Variants in TET3 observed in about 807,000 individuals in gnomAD.
TET3 encodes the protein methylcytosine dioxygenase TET3.
A neutral mutation model predicts 141.4 loss-of-function variants in TET3; 19 were observed. The observed-to-expected ratio is 0.13, with a 90% confidence interval of 0.09 to 0.20. TET3 has a LOEUF of 0.20. Ranked by LOEUF, TET3 falls within the 10% of genes least tolerant of loss-of-function variation. The pLI is 1.00. For synonymous variants in TET3, 1,043 were observed against 980.9 expected (o/e 1.06, Z -1.18); for missense variants, 1,874 against 2,356.9 (o/e 0.80, Z 4.24).
chr2:74,082,425 A>G (rs535352057), intron 6 of TET3, among the ~76,000 whole-genome samples: 2 of 152,170 alleles, frequency 1.3e-5, no homozygotes, highest in Non-Finnish European at 2.9e-5. Context: ...CATGGGGCGC[A>G]GTGAACTGGA....
the TET3 span, among the ~76,000 whole-genome samples, chr2:74,129,226 G>C: frequency 2.8e-5 from 4 of 140,910 alleles, no homozygotes; most frequent in East Asian, 8.3e-4. Context: ...TGAGGCAGGA[G>C]AATCTCTTGA....
chr2:74,062,875 G>T (rs1367183352), intron 4 of TET3, among the ~76,000 whole-genome samples: 1 of 147,716 alleles, frequency 6.8e-6, no homozygotes. Context: ...TTAAGTTCAG[G>T]TGAAACTTTT....
chr2:74,050,731 T>C (rs1687900042), intron 4 of TET3, among the ~76,000 whole-genome samples: 1 of 151,992 alleles, frequency 6.6e-6, no homozygotes, highest in Non-Finnish European at 1.5e-5. Context: ...TAAAAATTTT[T>C]TGTGGAGACG....
the TET3 span, chr2:74,120,597 GC>G: frequency 6.5e-6 from 1 of 152,704 alleles, no homozygotes; most frequent in South Asian, 2.1e-4. Flanking sequence ...CGGCTGAGGA[GC>G]CCAAGGAGCG....
chr2:74,065,619 C>T (rs1439458747), intron 4 of TET3, among the ~76,000 whole-genome samples: 1 of 139,870 alleles, frequency 7.1e-6, no homozygotes, highest in East Asian at 2.0e-4. Flanking sequence ...TCCGTCCGTC[C>T]GTCCTTCCTT....
At chr2:74,080,704 G>GGGC (rs1179337159) in intron 6 of TET3, 113 bp downstream of exon 6, 1 of 341,162 alleles carries the variant, frequency 2.9e-6, no homozygotes, top group African/African-American at 2.2e-5. Flanking sequence ...GAGGGCGGGG[G>GGGC]GTGGGGCCAG....
chr2:74,033,223 T>C (rs143074194), intron 3 of TET3, among the ~76,000 whole-genome samples: 39 of 152,348 alleles, frequency 2.6e-4, no homozygotes, highest in African/African-American at 9.1e-4. Flanking sequence ...TTTTGGAAAC[T>C]ATAAACGAGA....
At position 74,084,781 on chromosome 2, in the gene TET3, CA is replaced by C. The variant is rs574987418; in HGVS notation, c.2680-3043del. Among the ~76,000 whole-genome samples the C allele has an allele frequency of 3.1e-3, 476 of 152,004 alleles. 6 individuals carry two copies. The highest frequency in any genetic ancestry group is 0.011 in the African/African-American group (454 of 41,490). On this transcript the variant is annotated intron_variant, in intron 6 of 11. Coordinates refer to ENST00000409262, the MANE Select transcript of TET3 (RefSeq NM_001287491.2). ...TGAGACCCCGTTTCTACTAAAAATA[CA>C]AAAAATTAGCCAGGCGTGGTAGCAT...
intron 2 of TET3, 28 bp from the exon 3 acceptor site, chr2:74,003,082 T>A (rs1684950043): frequency 1.3e-6 from 2 of 1,550,328 alleles, no homozygotes. Flanking sequence ...CCCGCCTGGC[T>A]CACACGTTCC....
Position 74,061,818 on chromosome 2 carries a change from C to G in TET3, c.2495-11731C>G, listed in dbSNP as rs1249025207. Among the ~76,000 whole-genome samples, 2 of 115,122 alleles carry G rather than the reference C, an allele frequency of 1.7e-5. 1 individual carries two copies. The highest frequency in any genetic ancestry group is 3.5e-5 in the Non-Finnish European group (2 of 57,054). The allele number at this position is 115,122 out of a possible 152,430, so 75.5% of individuals were successfully genotyped here. ...GTAGAGGCGCTCCTCACATCTCAGA[C>G]GATGGGCGGCCGGGCAGAGACGCTC... is the stretch of plus-strand genomic sequence containing the variant. On this transcript the variant is annotated intron_variant, in intron 4 of 11. Coordinates refer to ENST00000409262, the MANE Select transcript of TET3 (RefSeq NM_001287491.2).
rs577301594 is a variant in TET3 at position 74,055,014 on chromosome 2, G to A, written c.2494+6603G>A. Among the ~76,000 whole-genome samples the A allele has an allele frequency of 3.9e-5, 6 of 152,202 alleles. No homozygotes were observed. In the South Asian group the frequency reaches 1.2e-3, roughly 32 times the overall value. ...AGGCTTGAGCGATCGTCCTGCCTCAGCCTCCCAAGTAGCCAGGACTACAGG... is the reference window on the plus strand; with the variant it reads ...AGGCTTGAGCGATCGTCCTGCCTCAACCTCCCAAGTAGCCAGGACTACAGG... On this transcript the variant is annotated intron_variant, in intron 4 of 11. Transcript: ENST00000409262.
At chr2:74,053,397 C>A (rs546072407) in intron 4 of TET3, among the ~76,000 whole-genome samples, 1 of 152,290 alleles carries the variant, frequency 6.6e-6, no homozygotes, top group Admixed American at 6.5e-5. Context: ...ATGCAAATGA[C>A]TTTTTAGTGG....
intron 5 of TET3, among the ~76,000 whole-genome samples, chr2:74,079,951 C>T (rs943054786): frequency 2.6e-5 from 4 of 152,148 alleles, no homozygotes; most frequent in African/African-American, 9.7e-5. Context: ...TGTGCAGGAA[C>T]CAGATGTGTT....
Position 74,102,319 on chromosome 2 carries a change from ATGTATTTATGGTC to A in TET3, c.*144_*156del. ...ATATATAGATGCGCATATCATATAT[ATGTATTTATGGTC>A]CAAACCTCAGAACTGACCCGCCCCT... On this transcript the variant is annotated 3_prime_UTR_variant, in exon 12 of 12. Coordinates refer to ENST00000409262, the MANE Select transcript of TET3 (RefSeq NM_001287491.2). 1.6e-6 allele frequency: 2 copies of A among 1,213,624 alleles called. No individual in the cohort carries two copies. Among genetic ancestry groups the A allele is most frequent in the Non-Finnish European group, 2.1e-6 (2 of 964,228 alleles). 75.2% of individuals were successfully genotyped at this position (1,213,624 alleles called of 1,614,324 possible).
chr2:74,089,873 C>T (rs1292956866), intron 7 of TET3, 24 bp from the exon 8 acceptor site: 2 of 1,613,520 alleles, frequency 1.2e-6, no homozygotes, highest in Admixed American at 3.3e-5. Context: ...CATCTATATC[C>T]CTGACCTGTG....
At chr2:74,004,605 G>C (rs928417927) in intron 3 of TET3, among the ~76,000 whole-genome samples, 1 of 152,172 alleles carries the variant, frequency 6.6e-6, no homozygotes, top group Non-Finnish European at 1.5e-5. Context: ...CGGCTTCCCC[G>C]TCTAGCGGGT....
At chr2:74,088,712 C>T (rs1573894444) in intron 7 of TET3, among the ~76,000 whole-genome samples, 1 of 152,086 alleles carries the variant, frequency 6.6e-6, no homozygotes, top group African/African-American at 2.4e-5. Flanking sequence ...TATTTATTTA[C>T]AATAAAATTC....
intron 3 of TET3, among the ~76,000 whole-genome samples, chr2:74,009,779 C>A (rs2105184376): frequency 6.6e-6 from 1 of 152,376 alleles, no homozygotes; most frequent in African/African-American, 2.4e-5. Context: ...CTATGTCAAT[C>A]ATCCAGGGAA....
chr2:73,987,571 G>T (rs1225341297), intron 2 of TET3, among the ~76,000 whole-genome samples: 1 of 152,220 alleles, frequency 6.6e-6, no homozygotes, highest in African/African-American at 2.4e-5. Context: ...AGGGCTGAGC[G>T]AAGTTGAGCA....
Sources: gnomAD v4.1 joint callset for allele counts (sites outside exome capture counted in the v4.1 genomes callset) on GRCh38, gnomAD v4.1.1 for gene constraint, MANE v1.5 for transcripts, NCBI Gene and HGNC (gene_info 2026-07-23, HGNC 2026-07-21) for gene names.